The following OXR1 variants were observed in gnomAD, a reference collection of about 807,000 sequenced individuals.
OXR1 encodes the protein oxidation resistance protein 1.
In OXR1, 41 loss-of-function variants were observed where a neutral mutation model predicts 104.6. The observed-to-expected ratio is 0.39, with a 90% CI of 0.31 to 0.51. The LOEUF (loss-of-function observed/expected upper bound fraction) is 0.51, where lower values mean the gene tolerates loss of function less well. OXR1 is among the 20% of genes least tolerant of loss of function. OXR1 has a pLI of 0.77. For missense variants in OXR1, 955 were observed against 1,031.9 expected (o/e 0.93, Z 1.02); for synonymous variants, 348 against 348.4 (o/e 1.00, Z 0.01).
chr8:106,716,697 A>G (rs1832297026), intron 11 of OXR1, among the ~76,000 whole-genome samples: 1 of 152,076 alleles, frequency 6.6e-6, no homozygotes, highest in Non-Finnish European at 1.5e-5. Context: ...AATGGAAAGA[A>G]AAAAGAATGT....
chr8:106,550,970 G>C (rs1382625931), intron 3 of OXR1, among the ~76,000 whole-genome samples: 2 of 152,046 alleles, frequency 1.3e-5, no homozygotes, highest in Non-Finnish European at 2.9e-5. Context: ...TTATCCTTCA[G>C]CTATCTAGAC....
At chr8:106,396,843 A>G (rs539926040) in intron 2 of OXR1, among the ~76,000 whole-genome samples, 1 of 152,252 alleles carries the variant, frequency 6.6e-6, no homozygotes, top group African/African-American at 2.4e-5. Context: ...GATGAAGGGT[A>G]CACAGAAACT....
intron 1 of OXR1, among the ~76,000 whole-genome samples, chr8:106,325,372 C>G (rs1278940997): frequency 6.6e-6 from 1 of 152,124 alleles, no homozygotes; most frequent in African/African-American, 2.4e-5. Flanking sequence ...GGAAGACTTG[C>G]TAGTCATTGG....
At position 106,673,164 on chromosome 8, in the gene OXR1, G is replaced by A. The variant is rs188567672; in HGVS notation, c.221-6046G>A. 2.6e-4 allele frequency among the ~76,000 whole-genome samples: 39 copies of A among 152,280 alleles called. No individual in the cohort carries two copies. In the East Asian group the frequency reaches 5.8e-3, roughly 23 times the overall value. On this transcript the variant is annotated intron_variant, in intron 3 of 16. Transcript: ENST00000517566. ...GTTTGGAACTTCCTAGAAACTTGTC[G>A]AATGGCTTTGACCAAAATGCTGATA...
intron 2 of OXR1, among the ~76,000 whole-genome samples, chr8:106,423,841 T>G (rs1819000815): frequency 6.6e-6 from 1 of 152,210 alleles, no homozygotes; most frequent in South Asian, 2.1e-4. Context: ...CATATCACTT[T>G]AGCTAAAATA....
chr8:106,368,423 T>C (rs1816569438), intron 2 of OXR1, among the ~76,000 whole-genome samples: 1 of 152,122 alleles, frequency 6.6e-6, no homozygotes, highest in African/African-American at 2.4e-5. Context: ...TATTTTTTAT[T>C]TTTATTTTTT....
chr8:106,519,320 T>G (rs1387730139), intron 3 of OXR1, among the ~76,000 whole-genome samples, 181 bp downstream of exon 3: 1 of 152,208 alleles, frequency 6.6e-6, no homozygotes, highest in Non-Finnish European at 1.5e-5. Context: ...TGAAAAACTT[T>G]CAGCAAAGTT....
At position 106,657,149 on chromosome 8, in the gene OXR1, A is replaced by G. The variant is rs73699978; in HGVS notation, c.221-22061A>G. Among the ~76,000 whole-genome samples, 1,142 of 152,258 alleles carry G rather than the reference A, an allele frequency of 7.5e-3. 15 individuals carry two copies. Among genetic ancestry groups the G allele is most frequent in the African/African-American group, 0.025 (1,056 of 41,530 alleles). The stretch of plus-strand genomic sequence containing the variant: ...TCTAGGTTCTTTGTCCCTGAAAGGT[A>G]GATCCGCAAACTAAATCCCTCAATA... On this transcript the variant is annotated intron_variant, in intron 3 of 16. Transcript: ENST00000517566.
chr8:106,582,715 T>A (rs1225103928), intron 3 of OXR1, among the ~76,000 whole-genome samples: 2 of 152,182 alleles, frequency 1.3e-5, no homozygotes, highest in Non-Finnish European at 2.9e-5. Flanking sequence ...GTTTTTCCTC[T>A]TTTTAGAAAA....
intron 3 of OXR1, among the ~76,000 whole-genome samples, chr8:106,623,688 G>A (rs542514722): frequency 1.3e-5 from 2 of 152,152 alleles, no homozygotes; most frequent in Non-Finnish European, 2.9e-5. Flanking sequence ...GGAGGTGGGA[G>A]AGTACCAAAG....
At chr8:106,685,663 GAT>G (rs1210652571) in intron 6 of OXR1, among the ~76,000 whole-genome samples, 1 of 150,620 alleles carries the variant, frequency 6.6e-6, no homozygotes, top group East Asian at 2.0e-4. Flanking sequence ...TTTGGCCAGT[GAT>G]ATGAGTAAAT....
At position 106,692,826 on chromosome 8, in the gene OXR1, A is replaced by T. The variant is rs756271046; in HGVS notation, c.624A>T (p.Ala208=). 4 of 1,606,952 alleles carry T rather than the reference A, an allele frequency of 2.5e-6. No individual in the cohort carries two copies. The highest frequency in any genetic ancestry group is 3.4e-6 in the Non-Finnish European group (4 of 1,174,942). The change falls in exon 7 of 17, where the codon GCA becomes GCT. Residue 208 remains alanine, a synonymous_variant. Transcript: ENST00000517566. ...CTTCAACTTCTGAGGAGGAGGAAGC[A>T]TTTACTGAGAAATTTCTTAAAATTA... ...VVSSTSEEEE[A]FTEKFLKINC...
intron 1 of OXR1, among the ~76,000 whole-genome samples, chr8:106,302,675 C>T (rs996309051): frequency 1.3e-5 from 2 of 151,004 alleles, no homozygotes; most frequent in African/African-American, 4.9e-5. Flanking sequence ...AATATAATGA[C>T]AGAGAAAAAA....
intron 2 of OXR1, among the ~76,000 whole-genome samples, chr8:106,513,612 C>T (rs1812680274): frequency 6.6e-6 from 1 of 152,294 alleles, no homozygotes; most frequent in South Asian, 2.1e-4. Flanking sequence ...AAATGCAGTG[C>T]AGTCCCTGCA....
At chr8:106,303,996 C>G (rs1813373933) in intron 1 of OXR1, among the ~76,000 whole-genome samples, 1 of 152,086 alleles carries the variant, frequency 6.6e-6, no homozygotes, top group South Asian at 2.1e-4. Context: ...ATAACATTGC[C>G]TTAGTTTTAA....
intron 3 of OXR1, among the ~76,000 whole-genome samples, chr8:106,604,155 C>T (rs938334614): frequency 6.6e-6 from 1 of 152,198 alleles, no homozygotes; most frequent in African/African-American, 2.4e-5. Flanking sequence ...CGTCTATTAA[C>T]TGTGTGCCAT....
At chr8:106,683,001 G>T (rs1169148567) in intron 4 of OXR1, among the ~76,000 whole-genome samples, 198 bp from the exon 5 acceptor site, 1 of 152,248 alleles carries the variant, frequency 6.6e-6, no homozygotes, top group South Asian at 2.1e-4. Flanking sequence ...TTGTGATGAA[G>T]CCTTTACTCT....
chr8:106,286,812 A>G (rs761733761), intron 1 of OXR1, among the ~76,000 whole-genome samples: 3 of 152,240 alleles, frequency 2.0e-5, no homozygotes, highest in Non-Finnish European at 2.9e-5. Context: ...AACGAATAAG[A>G]TATTACAACT....
Position 106,359,628 on chromosome 8 carries a change from T to C in OXR1, c.15T>C (p.Asn5=). 6.5e-7 allele frequency: 1 copy of C among 1,547,796 alleles called. No individual in the cohort carries two copies. Among genetic ancestry groups the C allele is most frequent in the Non-Finnish European group, 8.7e-7 (1 of 1,143,198 alleles). ...AAGTTGCTGCAATGTCTGTGTCTAA[T>C]CTATCATGGTGAGTGAATGGTTTTC... MSVS[N]LSWLKKKSQS... Residue 5 remains asparagine, a synonymous_variant, in exon 2 of 17, where the codon AAT becomes AAC. Coordinates refer to ENST00000517566, the MANE Select transcript of OXR1 (RefSeq NM_001198533.2).
Sources: gnomAD v4.1 joint callset for allele counts (sites outside exome capture counted in the v4.1 genomes callset) on GRCh38, gnomAD v4.1.1 for gene constraint, MANE v1.5 for transcripts, NCBI Gene and HGNC (gene_info 2026-07-23, HGNC 2026-07-21) for gene names.